Variants in ENO2 observed in about 807,000 individuals in gnomAD.
ENO2 encodes the protein gamma-enolase.
A neutral mutation model predicts 48.7 loss-of-function variants in ENO2; 19 were observed. That is an observed-to-expected ratio of 0.39 (90% CI 0.27 to 0.57). The LOEUF (loss-of-function observed/expected upper bound fraction) is 0.57, where lower values mean the gene tolerates loss of function less well. ENO2 is among the 20% of genes least tolerant of loss of function. The pLI, the probability that ENO2 is intolerant of heterozygous loss-of-function variation, is 0.58. For missense variants in ENO2, 416 were observed against 555.0 expected, an observed-to-expected ratio of 0.75 and a Z score of 2.52; for synonymous variants, 198 against 213.4, an observed-to-expected ratio of 0.93 and a Z score of 0.63.
In ENO2 at chr12:6,916,410, C is replaced by T. The variant is rs374318703; in HGVS notation, c.86-7C>T. The T allele has an allele frequency of 4.3e-6, 7 of 1,612,416 alleles. No homozygotes were observed. Among genetic ancestry groups the T allele is most frequent in the Admixed American group, 3.3e-5 (2 of 59,820 alleles). ...TCACTCCCTCTCATTCCATGTTCCT[C>T]CTTTAGGTCTTTTCCGGGCTGCAGT... On this transcript the variant is annotated splice_region_variant and splice_polypyrimidine_tract_variant and intron_variant, in intron 2 of 11. Coordinates refer to ENST00000229277, the MANE Select transcript of ENO2 (RefSeq NM_001975.3). This position sits in a 1 kb window ranked among gnomAD's most constrained non-coding sequence, Gnocchi z 4.5.
chr12:6,917,788 G>A lies in ENO2; in HGVS notation c.444+74G>A, dbSNP rs782055445. 132 of 1,598,906 alleles carry A rather than the reference G, an allele frequency of 8.3e-5. 1 individual carries two copies. The Admixed American group carries it at 1.2e-3, about 15-fold the overall frequency. On this transcript the variant is annotated intron_variant, in intron 6 of 11. Transcript: ENST00000229277. ...GAGCATGCAACTCATGAGGAATGATGGGAGGAAAGTGAATTGAGGGAGGTA... is the reference window on the plus strand; with the variant it reads ...GAGCATGCAACTCATGAGGAATGATAGGAGGAAAGTGAATTGAGGGAGGTA...
In ENO2 at chr12:6,916,746, G is replaced by A; in HGVS notation, c.240+17G>A. The A allele has an allele frequency of 6.2e-7, 1 of 1,613,988 alleles. No individual in the cohort carries two copies. Among genetic ancestry groups the A allele is most frequent in the East Asian group, 2.2e-5 (1 of 44,880 alleles). ...ATCAGCTCAGTGAGGCCTGCTCTTT[G>A]CTGGGGATAGCAGGGCCAGAGTTCT... On this transcript the variant is annotated intron_variant, in intron 4 of 11. Coordinates refer to ENST00000229277, the MANE Select transcript of ENO2 (RefSeq NM_001975.3). The surrounding 1 kb of genome is among the most constrained non-coding windows in gnomAD (Gnocchi z 4.5).
intron 5 of ENO2, 101 bp downstream of exon 5, chr12:6,917,208 G>A: frequency 7.1e-7 from 1 of 1,418,322 alleles, no homozygotes; most frequent in Non-Finnish European, 9.7e-7. Context: ...CCTCAGGAAT[G>A]ACTGTCAGGG....
intron 1 of ENO2, 173 bp from the exon 2 acceptor site, chr12:6,915,648 A>C: frequency 1.9e-4 from 96 of 506,464 alleles, no homozygotes; most frequent in Middle Eastern, 4.3e-4. Context: ...CCCAGGGGGG[A>C]GGGGGAATCC....
In ENO2 at chr12:6,922,668, TAG is replaced by T; in HGVS notation, c.1236-55_1236-54del. 2 of 1,593,822 alleles carry T rather than the reference TAG, an allele frequency of 1.3e-6. No homozygotes were observed. Among genetic ancestry groups the T allele is most frequent in the African/African-American group, 2.7e-5 (2 of 74,624 alleles). ...GGGTGGTTGGAGTCTGGGGGACCCC[TAG>T]AGAGAGAAGCAGGATCCTCCTGCAT... On this transcript the variant is annotated intron_variant, in intron 11 of 11. Transcript: ENST00000229277. The surrounding 1 kb of genome is among the most constrained non-coding windows in gnomAD (Gnocchi z 5.3).
At chr12:6,919,522 A>G (rs782667280) in intron 7 of ENO2, 44 bp from the exon 8 acceptor site, 3 of 1,604,694 alleles carry the variant, frequency 1.9e-6, no homozygotes, top group Non-Finnish European at 2.6e-6. Context: ...CTCCTTGCCC[A>G]TCCCTCCTGC....
At position 6,922,068 on chromosome 12, in the gene ENO2, C is replaced by A; in HGVS notation, c.1080C>A (p.Ala360=). ...TGTGTGGATACAGGTGCAAGCTGGC[C>A]CAGGAGAATGGCTGGGGGGTCATGG... The part of the protein sequence containing the change: ...VTEAIQACKL[A]QENGWGVMVS... The change falls in exon 10 of 12, where the codon GCC becomes GCA. Residue 360 remains alanine (A), a synonymous_variant. Coordinates refer to ENST00000229277, the MANE Select transcript of ENO2 (RefSeq NM_001975.3). This position sits in a 1 kb window ranked among gnomAD's most constrained non-coding sequence, Gnocchi z 5.3. The A allele has an allele frequency of 6.2e-7, 1 of 1,614,066 alleles. No homozygotes were observed. The highest frequency in any genetic ancestry group is 8.5e-7 in the Non-Finnish European group (1 of 1,180,022).
At chr12:6,917,477 AG>A in intron 5 of ENO2, 103 bp from the exon 6 acceptor site, 1 of 1,469,726 alleles carries the variant, frequency 6.8e-7, no homozygotes, top group Non-Finnish European at 9.1e-7. Flanking sequence ...GGGAGGGAGG[AG>A]GGGGTCTCCT....
intron 4 of ENO2, 27 bp from the exon 5 acceptor site, chr12:6,917,011 C>G: frequency 6.2e-7 from 1 of 1,613,698 alleles, no homozygotes; most frequent in Non-Finnish European, 8.5e-7. Flanking sequence ...CCAGCCTGGC[C>G]CTGGGTGATG....
intron 1 of ENO2, chr12:6,915,532 G>A: frequency 2.6e-6 from 1 of 385,034 alleles, no homozygotes; most frequent in South Asian, 3.7e-5. Context: ...CCACTGTCGT[G>A]CCCCTCCCCT....
At position 6,922,711 on chromosome 12, in the gene ENO2, T is replaced by C. The variant is rs1555142241; in HGVS notation, c.1236-20T>C. On this transcript the variant is annotated intron_variant, in intron 11 of 11. Transcript: ENST00000229277. The surrounding 1 kb of genome is among the most constrained non-coding windows in gnomAD (Gnocchi z 5.3). ...CCTCCTGCATCCCTGACCACTTCCT[T>C]TGTGGTTCATCTCTCTCAGAATTGA... is the stretch of plus-strand genomic sequence containing the variant. The C allele has an allele frequency of 2.5e-6, 4 of 1,613,538 alleles. No individual in the cohort carries two copies. The highest frequency in any genetic ancestry group is 2.2e-5 in the South Asian group (2 of 91,064).
At position 6,917,709 on chromosome 12, in the gene ENO2, G is replaced by A. The variant is rs782511592; in HGVS notation, c.439G>A (p.Val147Met). Residue 147 changes from valine (V) to methionine (M), a missense_variant, in exon 6 of 12, where the codon GTG becomes ATG. Transcript: ENST00000229277. ...CGGGAACTCAGACCTCATCCTGCCT[G>A]TGCCGGTGAGCAATAAGCCAGCCTG... ...LAGNSDLILP[V>M]PAFNVINGGS... is the part of the protein sequence containing the mutation. 1 of 1,506,056 alleles carries A rather than the reference G, an allele frequency of 6.6e-7. No individual in the cohort carries two copies. The highest frequency in any genetic ancestry group is 8.9e-7 in the Non-Finnish European group (1 of 1,121,648). The allele number at this position is 1,506,056 out of a possible 1,614,324, so 93.3% of individuals were successfully genotyped here. A position where few individuals can be genotyped will look rare whatever the true frequency, so the allele number is the denominator to read the frequency against.
rs782179764 is a variant in ENO2 at position 6,921,708 on chromosome 12, A to T, written c.993A>T (p.Ala331=). The T allele has an allele frequency of 3.1e-6, 5 of 1,614,218 alleles. No homozygotes were observed. Among genetic ancestry groups the T allele is most frequent in the Non-Finnish European group, 4.2e-6 (5 of 1,180,042 alleles). The change falls in exon 9 of 12, where the codon GCA becomes GCT. Residue 331 remains alanine, a synonymous_variant. Transcript: ENST00000229277. ...TVTNPKRIER[A]VEEKACNCLL... ...CCAACCCAAAACGTATTGAGCGGGC[A>T]GTGGAAGAAAAGGCCTGCAACTGTC...
chr12:6,917,384 G>C (rs1229656055), intron 5 of ENO2, 197 bp from the exon 6 acceptor site: 1 of 786,190 alleles, frequency 1.3e-6, no homozygotes, highest in East Asian at 2.7e-5. Flanking sequence ...GCTCTCTGCC[G>C]TTTCCAATCT....
chr12:6,918,892 G>A (rs1945316115), intron 7 of ENO2, among the ~76,000 whole-genome samples: 1 of 151,314 alleles, frequency 6.6e-6, no homozygotes, highest in East Asian at 2.0e-4. Context: ...TGAGGCAGGA[G>A]GATCGCTTGT....
At chr12:6,921,392 A>G (rs969875177) in intron 8 of ENO2, 189 bp from the exon 9 acceptor site, 3 of 355,704 alleles carry the variant, frequency 8.4e-6, no homozygotes, top group Non-Finnish European at 1.0e-5. Flanking sequence ...GGCTCTGTCA[A>G]AAAAAAAAAA....
intron 7 of ENO2, 87 bp from the exon 8 acceptor site, chr12:6,919,479 C>G (rs1945320979): frequency 6.8e-7 from 1 of 1,467,730 alleles, no homozygotes; most frequent in Non-Finnish European, 9.3e-7. Context: ...CAGCCCTCCA[C>G]CTCTGCCCTG....
At chr12:6,915,616 A>G (rs1945282837) in intron 1 of ENO2, 1 of 526,734 alleles carries the variant, frequency 1.9e-6, no homozygotes, top group South Asian at 2.3e-5. Flanking sequence ...CCCCTTCCTC[A>G]CTGCATTGAC....
At chr12:6,915,710 CTG>C in intron 1 of ENO2, 109 bp from the exon 2 acceptor site, 1 of 365,054 alleles carries the variant, frequency 2.7e-6, no homozygotes, top group Non-Finnish European at 5.5e-6. Context: ...CCCCCACCCA[CTG>C]CAGTAACCTC....
Sources: allele counts gnomAD v4.1 joint callset (sites outside exome capture counted in the v4.1 genomes callset), GRCh38; gene constraint gnomAD v4.1.1; non-coding constraint Gnocchi (gnomAD v3.1); transcripts MANE v1.5; gene names NCBI Gene and HGNC (gene_info 2026-07-23, HGNC 2026-07-21).